Variants in MTCP1 observed in about 807,000 individuals in gnomAD.
The protein encoded by MTCP1 is protein p13 MTCP-1.
MTCP1 carries 2 observed loss-of-function variants against 10.6 expected under a neutral mutation model. The ratio of observed to expected loss-of-function variants is 0.19; its 90% CI spans 0.08 to 0.59. The LOEUF (loss-of-function observed/expected upper bound fraction) is 0.59. Among genes scored for constraint, MTCP1 ranks in the 20% least tolerant of loss-of-function variants. The pLI is 0.90. For synonymous variants in MTCP1, 29 were observed against 34.4 expected (o/e 0.84, Z 0.55); for missense variants, 33 against 91.5 (o/e 0.36, Z 2.61).
rs894036701 is a variant in MTCP1 at position 155,064,286 on chromosome X, C to G, written c.*1118G>C. 3 of 224,467 alleles carry G rather than the reference C, an allele frequency of 1.3e-5. No individual in the cohort carries two copies. Among genetic ancestry groups the G allele is most frequent in the Non-Finnish European group, 2.4e-5 (3 of 124,939 alleles). The allele number at this position is 224,467 out of a possible 1,213,427, so 18.5% of individuals were successfully genotyped here. ...GAATTCAATCAACTCTTTTTGAATA[C>G]TGTAAACCAACGTTAGGCTAGAGGA... is the stretch of plus-strand genomic sequence containing the variant. On this transcript the variant is annotated 3_prime_UTR_variant, in exon 5 of 5. Coordinates refer to ENST00000369476, the MANE Select transcript of MTCP1 (RefSeq NM_001018025.4).
intron 1 of MTCP1, 125 bp from the exon 2 acceptor site, chrX:155,066,182 AC>A (rs781980243): frequency 7.8e-5 from 33 of 420,655 alleles, no homozygotes; most frequent in Non-Finnish European, 1.3e-4. Context: ...TATTTGCACA[AC>A]CTAAATAGAA....
At position 155,066,052 on chromosome X, in the gene MTCP1, C is replaced by G; in HGVS notation, c.-42G>C. On this transcript the variant is annotated 5_prime_UTR_variant, in exon 2 of 5. Transcript: ENST00000369476. ...CAATTCTAGCCCTGCTTTTCTCCAC[C>G]TAAGCCTGCAGCACCCGCGCACAGG... 9.1e-7 allele frequency: 1 copy of G among 1,092,995 alleles called. No homozygotes were observed. Among genetic ancestry groups the G allele is most frequent in the Non-Finnish European group, 1.3e-6 (1 of 790,416 alleles). The allele number at this position is 1,092,995 out of a possible 1,213,427, so 90.1% of individuals were successfully genotyped here.
At position 155,065,773 on chromosome X, in the gene MTCP1, C is replaced by G; in HGVS notation, c.122G>C (p.Arg41Thr). The G allele has an allele frequency of 1.2e-5, 14 of 1,210,896 alleles. No individual in the cohort carries two copies. The highest frequency in any genetic ancestry group is 1.6e-5 in the Non-Finnish European group (14 of 895,023). Residue 41 changes from arginine (R) to threonine (T), a missense_variant, in exon 3 of 5, where the codon AGG becomes ACG. Physicochemically the swap from Arg to Thr is moderately conservative, Grantham distance 71. Coordinates refer to ENST00000369476, the MANE Select transcript of MTCP1 (RefSeq NM_001018025.4). ...AVVEEETSFL[R>T]ARVQQIQVPL... ...AACCTGAATTTGCTGGACTCGTGCC[C>G]TTAGGAAACTCGTCTCCTAATGGAA... is the stretch of plus-strand genomic sequence containing the variant.
intron 1 of MTCP1, among the ~76,000 whole-genome samples, chrX:155,068,145 A>C (rs2073955889): frequency 8.9e-6 from 1 of 112,600 alleles, no homozygotes; most frequent in African/African-American, 3.2e-5. Context: ...GGACCATCTC[A>C]ATTTCATAGA....
Position 155,065,390 on chromosome X carries a change from A to C in MTCP1, c.*14T>G, listed in dbSNP as rs2073944299. The C allele has an allele frequency of 1.2e-6, 1 of 814,819 alleles. No homozygotes were observed. Among genetic ancestry groups the C allele is most frequent in the Non-Finnish European group, 1.8e-6 (1 of 546,430 alleles). The allele number at this position is 814,819 out of a possible 1,213,427, so 67.2% of individuals were successfully genotyped here. ...GAACAAAGGAGCATATCTTCGTAGA[A>C]TCCCAGCACCTGGAAAAAAAAATCA... On this transcript the variant is annotated 3_prime_UTR_variant, in exon 5 of 5. Coordinates refer to ENST00000369476, the MANE Select transcript of MTCP1 (RefSeq NM_001018025.4).
At position 155,065,519 on chromosome X, in the gene MTCP1, G is replaced by T. The variant is rs1160420417; in HGVS notation, c.295C>A (p.Leu99Met). 3.3e-6 allele frequency: 4 copies of T among 1,209,752 alleles called. No individual in the cohort carries two copies. The highest frequency in any genetic ancestry group is 4.5e-6 in the Non-Finnish European group (4 of 894,538). The change falls in exon 4 of 5, where the codon CTG becomes ATG. Residue 99 changes from leucine (L) to methionine (M), a missense_variant. Transcript: ENST00000369476. ...TCATCAGGCAAAAGCTTAAGCAACAGCTCCTGTACTCCCCTGACCTGTCAG... is the reference window on the plus strand; with the variant it reads ...TCATCAGGCAAAAGCTTAAGCAACATCTCCTGTACTCCCCTGACCTGTCAG... Reference protein sequence around the residue: ...HHLMVRGVQELLLKLLPDD With the variant: ...HHLMVRGVQEMLLKLLPDD
rs2073942687 is a variant in MTCP1 at position 155,064,850 on chromosome X, C to T, written c.*554G>A. ...TAGCTAATTTCATCAATGCATATCT[C>T]TTTTCAGAGCCCTCTAAATACTCAG... is the stretch of plus-strand genomic sequence containing the variant. On this transcript the variant is annotated 3_prime_UTR_variant, in exon 5 of 5. Coordinates refer to ENST00000369476, the MANE Select transcript of MTCP1 (RefSeq NM_001018025.4). 1 of 112,608 alleles carries T rather than the reference C, an allele frequency of 8.9e-6. No homozygotes were observed. Among genetic ancestry groups the T allele is most frequent in the Non-Finnish European group, 1.9e-5 (1 of 53,396 alleles). The allele number at this position is 112,608 out of a possible 1,213,427, so 9.3% of individuals were successfully genotyped here. A position where few individuals can be genotyped will look rare whatever the true frequency, so the allele number is the denominator to read the frequency against.
In MTCP1 at chrX:155,065,750, C is replaced by A; in HGVS notation, c.145G>T (p.Val49Phe). Residue 49 changes from valine to phenylalanine, a missense_variant, in exon 3 of 5, where the codon GTT (valine) becomes TTT (phenylalanine). Physicochemically the swap from Val to Phe is conservative, Grantham distance 50 (BLOSUM62 -1). Transcript: ENST00000369476. ...FLRARVQQIQ[V>F]PLGDAARPSH... ...GGCCTAGCTGCGTCACCTAAGGGAACCTGAATTTGCTGGACTCGTGCCCTT... is the reference window on the plus strand; with the variant it reads ...GGCCTAGCTGCGTCACCTAAGGGAAACTGAATTTGCTGGACTCGTGCCCTT... The A allele has an allele frequency of 8.3e-7, 1 of 1,211,356 alleles. No homozygotes were observed. The highest frequency in any genetic ancestry group is 1.1e-6 in the Non-Finnish European group (1 of 895,365).
rs1557291986 is a variant in MTCP1, at chrX:155,065,968, C to T, written c.43G>A (p.Val15Ile). The change falls in exon 2 of 5, where the codon GTT (valine) becomes ATT (isoleucine). Residue 15 changes from valine to isoleucine, a missense_variant. Coordinates refer to ENST00000369476, the MANE Select transcript of MTCP1 (RefSeq NM_001018025.4). ...TCGCGGTAGATACCCTCTTGGTGAA[C>T]CCAGAGGTGATCGGGTGGAGCCCCC... ...DVGAPPDHLW[V>I]HQEGIYRDEY... The T allele has an allele frequency of 8.3e-7, 1 of 1,211,816 alleles. No individual in the cohort carries two copies. Among genetic ancestry groups the T allele is most frequent in the Non-Finnish European group, 1.1e-6 (1 of 895,344 alleles).
At chrX:155,067,470 T>G (rs782009226) in intron 1 of MTCP1, among the ~76,000 whole-genome samples, 14 of 111,626 alleles carry the variant, frequency 1.3e-4, no homozygotes, top group Non-Finnish European at 1.9e-5. Flanking sequence ...AGACCAACTT[T>G]CCCCAAATAC....
intron 1 of MTCP1, among the ~76,000 whole-genome samples, chrX:155,067,074 G>A (rs186010084): frequency 1.6e-4 from 18 of 111,667 alleles, no homozygotes; most frequent in Non-Finnish European, 3.2e-4. Flanking sequence ...GTATAGATAC[G>A]GCACTGGGGA....
At position 155,064,685 on chromosome X, in the gene MTCP1, T is replaced by C. The variant is rs987157267; in HGVS notation, c.*719A>G. The C allele has an allele frequency of 5.3e-5, 6 of 112,402 alleles. No individual in the cohort carries two copies. The highest frequency in any genetic ancestry group is 4.7e-4 in the Admixed American group (5 of 10,616). The allele number at this position is 112,402 out of a possible 1,213,427, so 9.3% of individuals were successfully genotyped here. ...CCAGTTAAGCAGCTAAAATGGTTTT[T>C]CTTGAAGTTCTTATAGAAACCAGCT... On this transcript the variant is annotated 3_prime_UTR_variant, in exon 5 of 5. Transcript: ENST00000369476.
intron 1 of MTCP1, among the ~76,000 whole-genome samples, chrX:155,066,348 TCA>T (rs370811513): frequency 8.9e-5 from 10 of 112,320 alleles, no homozygotes; most frequent in African/African-American, 3.2e-4. Flanking sequence ...GGCAGTGGTC[TCA>T]CACATACTGC....
chrX:155,070,503 A>G (rs1311213683), intron 1 of MTCP1, among the ~76,000 whole-genome samples, 191 bp downstream of exon 1: 4 of 111,763 alleles, frequency 3.6e-5, no homozygotes, highest in African/African-American at 1.3e-4. Context: ...AGGAGACCCG[A>G]GGAAACTTGC....
At chrX:155,069,062 T>C (rs2073959560) in intron 1 of MTCP1, among the ~76,000 whole-genome samples, 1 of 112,717 alleles carries the variant, frequency 8.9e-6, no homozygotes, top group Admixed American at 9.3e-5. Flanking sequence ...GACAATTTCT[T>C]AGTAAGGCAT....
rs1557291842 is a variant in MTCP1 at position 155,064,139 on chromosome X, G to A, written c.*1265C>T. 1 of 458,607 alleles carries A rather than the reference G, an allele frequency of 2.2e-6. No individual in the cohort carries two copies. The highest frequency in any genetic ancestry group is 2.5e-5 in the African/African-American group (1 of 40,167). 37.8% of individuals were successfully genotyped at this position (458,607 alleles called of 1,213,427 possible). On this transcript the variant is annotated 3_prime_UTR_variant, in exon 5 of 5. Coordinates refer to ENST00000369476, the MANE Select transcript of MTCP1 (RefSeq NM_001018025.4). The stretch of plus-strand genomic sequence containing the variant: ...ACAAGCAGTATATGCCCTTACAATT[G>A]CTGGAAAATAATTACACTAAAAATA...
rs202215882 is a variant in MTCP1, at chrX:155,064,069, T to C, written c.*1335A>G. ...AAAAATGATTTTTATTTTTCTTTTTTCCATAAAGACTTTAAAGCCCCTCTA... is the reference window on the plus strand; with the variant it reads ...AAAAATGATTTTTATTTTTCTTTTTCCCATAAAGACTTTAAAGCCCCTCTA... On this transcript the variant is annotated 3_prime_UTR_variant, in exon 5 of 5. Transcript: ENST00000369476. 5.0e-4 allele frequency: 558 copies of C among 1,116,989 alleles called. No homozygotes were observed. The highest frequency in any genetic ancestry group is 1.1e-3 in the Admixed American group (41 of 35,865). The allele number at this position is 1,116,989 out of a possible 1,213,427, so 92.1% of individuals were successfully genotyped here.
chrX:155,070,006 A>T (rs1369356889), intron 1 of MTCP1, among the ~76,000 whole-genome samples: 3 of 112,334 alleles, frequency 2.7e-5, no homozygotes, highest in African/African-American at 6.5e-5. Flanking sequence ...AGACAGGTCC[A>T]ATGTAACTGC....
chrX:155,066,274 C>T (rs2073947868), intron 1 of MTCP1, among the ~76,000 whole-genome samples: 1 of 112,556 alleles, frequency 8.9e-6, no homozygotes, highest in Admixed American at 9.4e-5. Context: ...GACTGCAAAG[C>T]GCTCAAGAAT....
Sources: gnomAD v4.1 joint callset for allele counts (sites outside exome capture counted in the v4.1 genomes callset) on GRCh38, gnomAD v4.1.1 for gene constraint, MANE v1.5 for transcripts, NCBI Gene and HGNC (gene_info 2026-07-23, HGNC 2026-07-21) for gene names.